Variants in ARB2A observed in about 807,000 individuals in gnomAD.
ARB2A encodes cotranscriptional regulator ARB2A.
the ARB2A span, among the ~76,000 whole-genome samples, chr5:93,935,871 G>C: frequency 6.6e-6 from 1 of 151,986 alleles, no homozygotes; most frequent in African/African-American, 2.4e-5. Flanking sequence ...AAGTCTATTA[G>C]CTTTAATACG....
chr5:93,673,303 AT>A, the ARB2A span, among the ~76,000 whole-genome samples: 1 of 152,162 alleles, frequency 6.6e-6, no homozygotes, highest in Non-Finnish European at 1.5e-5. Context: ...TGTGTTCAGC[AT>A]AAAATATTTA....
the ARB2A span, chr5:93,737,556 T>C: frequency 3.3e-4 from 51 of 156,778 alleles, 1 homozygote; most frequent in African/African-American, 1.2e-3. Flanking sequence ...AAGAACAAAA[T>C]TGGAAGACTC....
At chr5:93,702,710 G>A in the ARB2A span, among the ~76,000 whole-genome samples, 2 of 152,118 alleles carry the variant, frequency 1.3e-5, no homozygotes, top group Admixed American at 6.5e-5. Flanking sequence ...TCAGTCCAGT[G>A]TTGCTATGAA....
the ARB2A span, among the ~76,000 whole-genome samples, chr5:93,699,717 G>C: frequency 6.6e-6 from 1 of 152,052 alleles, no homozygotes; most frequent in South Asian, 2.1e-4. Flanking sequence ...TGCTGCGACT[G>C]CCAGTAAAGA....
chr5:93,695,807 TG>T, the ARB2A span, among the ~76,000 whole-genome samples: 1 of 151,560 alleles, frequency 6.6e-6, no homozygotes, highest in East Asian at 1.9e-4. Flanking sequence ...AGTGACAGAG[TG>T]GATAAAGAAA....
At chr5:93,767,531 C>T in the ARB2A span, among the ~76,000 whole-genome samples, 1 of 152,044 alleles carries the variant, frequency 6.6e-6, no homozygotes. Context: ...TGGGTATCTA[C>T]CCAGAGGAAA....
At chr5:94,108,884 A>G in the ARB2A span, among the ~76,000 whole-genome samples, 5 of 152,190 alleles carry the variant, frequency 3.3e-5, no homozygotes, top group Non-Finnish European at 7.3e-5. Context: ...ATATATATAC[A>G]TATAAAATTT....
the ARB2A span, among the ~76,000 whole-genome samples, chr5:94,041,938 A>G: frequency 0.014 from 2,172 of 152,226 alleles, 55 homozygotes; most frequent in African/African-American, 0.049. Flanking sequence ...TTTTTCACAA[A>G]AAAAAAATGA....
the ARB2A span, among the ~76,000 whole-genome samples, chr5:93,858,115 C>T: frequency 6.6e-6 from 1 of 152,202 alleles, no homozygotes; most frequent in South Asian, 2.1e-4. Context: ...CAAGAATCGT[C>T]TCCTGGTAGA....
At chr5:93,683,723 G>A in the ARB2A span, 1 of 1,610,356 alleles carries the variant, frequency 6.2e-7, no homozygotes, top group Non-Finnish European at 8.5e-7. Flanking sequence ...TCCATCGGGT[G>A]GCGGCACGCA....
the ARB2A span, among the ~76,000 whole-genome samples, chr5:93,817,962 A>C: frequency 6.6e-6 from 1 of 152,102 alleles, no homozygotes; most frequent in Non-Finnish European, 1.5e-5. Flanking sequence ...AGAGATTTGT[A>C]CCAATATATA....
At chr5:93,681,260 G>A in the ARB2A span, among the ~76,000 whole-genome samples, 2 of 152,070 alleles carry the variant, frequency 1.3e-5, no homozygotes, top group South Asian at 2.1e-4. Flanking sequence ...GAAACAACGC[G>A]TCCTACACAT....
the ARB2A span, among the ~76,000 whole-genome samples, chr5:93,912,268 T>C: frequency 2.0e-5 from 3 of 151,922 alleles, no homozygotes; most frequent in East Asian, 5.8e-4. Context: ...TATCATAATT[T>C]GCTTGCTCCC....
At chr5:94,055,824 C>T in the ARB2A span, 4 of 985,394 alleles carry the variant, frequency 4.1e-6, no homozygotes, top group Non-Finnish European at 4.8e-6. Context: ...ACTTACAAAC[C>T]TTTTAATCAG....
At chr5:93,908,745 A>G in the ARB2A span, among the ~76,000 whole-genome samples, 1 of 151,030 alleles carries the variant, frequency 6.6e-6, no homozygotes, top group African/African-American at 2.4e-5. Context: ...GTTACCTAAT[A>G]AATTCCATTT....
the ARB2A span, among the ~76,000 whole-genome samples, chr5:93,750,725 C>T: frequency 3.3e-5 from 5 of 152,152 alleles, no homozygotes; most frequent in South Asian, 6.2e-4. Context: ...ACGGGTCTCA[C>T]TATGTTGCCC....
At chr5:94,092,958 T>C in the ARB2A span, among the ~76,000 whole-genome samples, 1 of 152,154 alleles carries the variant, frequency 6.6e-6, no homozygotes, top group East Asian at 1.9e-4. Context: ...AGAAGGTAAA[T>C]ATTTTCAATT....
the ARB2A span, among the ~76,000 whole-genome samples, chr5:93,629,855 A>C: frequency 6.6e-6 from 1 of 152,170 alleles, no homozygotes; most frequent in East Asian, 1.9e-4. Flanking sequence ...TTTAACAAGA[A>C]AAAGGAGTAT....
the ARB2A span, among the ~76,000 whole-genome samples, chr5:94,012,367 A>C: frequency 6.6e-6 from 1 of 152,242 alleles, no homozygotes. Context: ...GCGCCACTGC[A>C]CTCCAGCCTG....
Sources: gnomAD v4.1 joint callset for allele counts (sites outside exome capture counted in the v4.1 genomes callset) on GRCh38, gnomAD v4.1.1 for gene constraint, MANE v1.5 for transcripts, NCBI Gene and HGNC (gene_info 2026-07-23, HGNC 2026-07-21) for gene names.